EMC3: variants seen among roughly 807,000 people sequenced by gnomAD.
EMC3 encodes the protein ER membrane protein complex subunit 3, also known as 30 kDa protein.
EMC3 carries 13 observed loss-of-function variants against 36.6 expected under a neutral mutation model. The observed-to-expected ratio is 0.35, with a 90% confidence interval of 0.23 to 0.56. The LOEUF (loss-of-function observed/expected upper bound fraction) is 0.56, where lower values mean the gene tolerates loss of function less well. Ranked by LOEUF, EMC3 falls within the 20% of genes least tolerant of loss-of-function variation. The pLI, the probability that EMC3 is intolerant of heterozygous loss-of-function variation, is 0.84. For missense variants in EMC3, 220 were observed against 324.5 expected, an observed-to-expected ratio of 0.68 and a Z score of 2.47; for synonymous variants, 120 against 111.9, an observed-to-expected ratio of 1.07 and a Z score of -0.46.
chr3:9,992,879 G>A, intron 1 of EMC3: 1 of 1,422,852 alleles, frequency 7.0e-7, no homozygotes, highest in Non-Finnish European at 9.9e-7. Flanking sequence ...TTATTGACCT[G>A]GTGATGCTTT....
At position 9,986,539 on chromosome 3, in the gene EMC3, G is replaced by C; in HGVS notation, c.123C>G (p.Asp41Glu). ...ATACTTGTTCCTGGGTGAGCTTCTT[G>C]TCGCTCTGCAGCAGGATGGACACGT... ...RHYVSILLQS[D>E]KKLTQEQVSD... The change falls in exon 1 of 8, where the codon GAC becomes GAG. Residue 41 changes from aspartate (D) to glutamate (E), a missense_variant. Around this residue, in one of 3 missense-constraint regions of EMC3, gnomAD observed 127 missense variants for 174.6 expected, o/e 0.73. Coordinates refer to ENST00000245046, the MANE Select transcript of EMC3 (RefSeq NM_001394674.1). 6.2e-7 allele frequency: 1 copy of C among 1,614,230 alleles called. No homozygotes were observed. Among genetic ancestry groups the C allele is most frequent in the Non-Finnish European group, 8.5e-7 (1 of 1,180,030 alleles).
intron 1 of EMC3, among the ~76,000 whole-genome samples, chr3:9,999,275 C>G (rs1361353204): frequency 2.9e-4 from 43 of 149,158 alleles, no homozygotes; most frequent in African/African-American, 7.4e-4. Flanking sequence ...TGGAGTCTAG[C>G]TCTGTCACCA....
intron 3 of EMC3, 113 bp downstream of exon 3, chr3:9,976,844 A>G (rs915205720): frequency 5.4e-6 from 4 of 734,032 alleles, no homozygotes; most frequent in Middle Eastern, 2.4e-4. Context: ...TAAGATTACT[A>G]TCTTTTGCAA....
At chr3:9,967,897 A>T (rs1334502822) in intron 7 of EMC3, among the ~76,000 whole-genome samples, 11 of 152,190 alleles carry the variant, frequency 7.2e-5, no homozygotes, top group Admixed American at 7.2e-4. Flanking sequence ...GTAATTTTTC[A>T]GTATGTCGGT....
At chr3:9,975,737 G>C (rs1277564560) in intron 3 of EMC3, among the ~76,000 whole-genome samples, 1 of 150,822 alleles carries the variant, frequency 6.6e-6, no homozygotes, top group Non-Finnish European at 1.5e-5. Context: ...GCGTGAACCC[G>C]GGAGGCGGAG....
At chr3:10,007,196 C>T (rs1168596873) in intron 1 of EMC3, 1 of 803,692 alleles carries the variant, frequency 1.2e-6, no homozygotes, top group African/African-American at 1.8e-5. Context: ...CACAGCAAAT[C>T]ATTAGTAGTG....
rs1451656500 is a variant in EMC3, at chr3:9,970,230, CAA to C, written c.574+350_574+351del. ...CTTTTCTGAGGTCCCAGCCAGTAAA[CAA>C]GAGAGCAAGGATTAGTACTGGCAAG... On this transcript the variant is annotated intron_variant, in intron 6 of 7. Transcript: ENST00000245046. 3.9e-5 allele frequency among the ~76,000 whole-genome samples: 6 copies of C among 152,258 alleles called. 1 individual carries two copies. The East Asian group carries it at 7.7e-4, about 20-fold the overall frequency.
intron 1 of EMC3, chr3:9,981,883 C>G (rs1282546200): frequency 1.9e-5 from 6 of 311,342 alleles, no homozygotes; most frequent in Non-Finnish European, 3.7e-5. Context: ...TAATCTATCC[C>G]CAAACCTAGT....
chr3:10,008,044 G>C (rs2086282955), intron 1 of EMC3, among the ~76,000 whole-genome samples: 1 of 152,146 alleles, frequency 6.6e-6, no homozygotes, highest in Admixed American at 6.5e-5. Context: ...AGGTCCCTCA[G>C]GTGTCAATAC....
upstream of EMC3, chr3:9,986,899 G>C (rs570045088): frequency 3.8e-6 from 5 of 1,313,726 alleles, no homozygotes; most frequent in Admixed American, 6.6e-5. Flanking sequence ...GAGCGGCGTC[G>C]GGCCTGGCGG....
upstream of EMC3, among the ~76,000 whole-genome samples, chr3:9,987,570 T>C (rs2085992753): frequency 6.6e-6 from 1 of 152,238 alleles, no homozygotes; most frequent in Non-Finnish European, 1.5e-5. Context: ...GGCGGGTGTC[T>C]GGAAGCCGAA....
At chr3:10,000,692 T>G (rs2086188023) in intron 1 of EMC3, 1 of 475,726 alleles carries the variant, frequency 2.1e-6, no homozygotes, top group Non-Finnish European at 4.2e-6. Context: ...CCTTTCTGCC[T>G]TCTTCTTAAT....
intron 5 of EMC3, among the ~76,000 whole-genome samples, chr3:9,972,507 A>C (rs562849067): frequency 6.7e-6 from 1 of 150,186 alleles, no homozygotes; most frequent in Admixed American, 6.6e-5. Context: ...GTGGTGGCTC[A>C]TGCCTGTAAT....
At chr3:9,971,023 A>C (rs939311950) in intron 5 of EMC3, among the ~76,000 whole-genome samples, 1 of 151,976 alleles carries the variant, frequency 6.6e-6, no homozygotes, top group Non-Finnish European at 1.5e-5. Context: ...CCTGGGTTCA[A>C]GAGATTCTCC....
intron 1 of EMC3, among the ~76,000 whole-genome samples, chr3:9,996,473 C>T (rs1575697360): frequency 6.6e-6 from 1 of 151,954 alleles, no homozygotes; most frequent in African/African-American, 2.4e-5. Flanking sequence ...AAAAATAAAA[C>T]AAAAAGAAGA....
intron 1 of EMC3, 72 bp downstream of exon 1, chr3:9,986,435 G>T: frequency 6.4e-7 from 1 of 1,572,092 alleles, no homozygotes; most frequent in Non-Finnish European, 8.7e-7. Context: ...TAGGCAAATT[G>T]ACACAACTCC....
Position 9,977,009 on chromosome 3 carries a change from A to G in EMC3, c.255T>C (p.Asp85=). The change falls in exon 3 of 8, where the codon GAT becomes GAC. Residue 85 remains aspartate (D), a synonymous_variant. Transcript: ENST00000245046. Reference sequence around the variant, plus strand: ...TCCGTTTAGTTTTTTTGAAAAATCCATCCTCTGGGTTGTTGAAATAATATT... The same window carrying G: ...TCCGTTTAGTTTTTTTGAAAAATCCGTCCTCTGGGTTGTTGAAATAATATT... ...TRKYYFNNPE[D]GFFKKTKRKV... 1 of 1,612,520 alleles carries G rather than the reference A, an allele frequency of 6.2e-7. No homozygotes were observed. The highest frequency in any genetic ancestry group is 8.5e-7 in the Non-Finnish European group (1 of 1,179,598).
chr3:10,010,951 G>A (rs991839409), intron 1 of EMC3: 3 of 152,366 alleles, frequency 2.0e-5, no homozygotes, highest in African/African-American at 7.2e-5. Context: ...CAAAACCCAG[G>A]CCTCCAAAGG....
At chr3:9,993,746 A>G (rs1052858329) in intron 1 of EMC3, among the ~76,000 whole-genome samples, 2 of 65,532 alleles carry the variant, frequency 3.1e-5, no homozygotes, top group African/African-American at 6.4e-5. Flanking sequence ...ATTAATGTCT[A>G]TATATTGCAT....
Sources: gnomAD v4.1 joint callset for allele counts (sites outside exome capture counted in the v4.1 genomes callset) on GRCh38, gnomAD v4.1.1 for gene constraint, gnomAD v4.1.1 regional missense constraint, MANE v1.5 for transcripts, NCBI Gene and HGNC (gene_info 2026-07-23, HGNC 2026-07-21) for gene names.